SGMS1: variants seen among roughly 807,000 people sequenced by gnomAD.
The protein encoded by SGMS1 is sphingomyelin synthase 1, also known as phosphatidylcholine:ceramide cholinephosphotransferase 1.
SGMS1 carries 13 observed loss-of-function variants against 46.2 expected under a neutral mutation model. That is an observed-to-expected ratio of 0.28 (90% confidence interval 0.18 to 0.45). SGMS1 has a LOEUF of 0.45. Among genes scored for constraint, SGMS1 ranks in the 20% least tolerant of loss-of-function variants. SGMS1 has a pLI of 1.00. For synonymous variants in SGMS1, 203 were observed against 187.8 expected (o/e 1.08, Z -0.66); for missense variants, 324 against 519.9 (o/e 0.62, Z 3.66).
chr10:50,388,758 C>A (rs1848721911), intron 6 of SGMS1, among the ~76,000 whole-genome samples: 1 of 152,174 alleles, frequency 6.6e-6, no homozygotes, highest in Non-Finnish European at 1.5e-5. Flanking sequence ...ATGGCACATG[C>A]TGTTTTAAAT....
chr10:50,566,556 T>C (rs891410805), intron 2 of SGMS1, among the ~76,000 whole-genome samples: 2 of 152,274 alleles, frequency 1.3e-5, no homozygotes, highest in Non-Finnish European at 2.9e-5. Context: ...AGGACTACTT[T>C]ATGCAAACAC....
rs560668487 is a variant in SGMS1, at chr10:50,542,479, G to C, written c.-588-22558C>G. Among the ~76,000 whole-genome samples, 34 of 151,968 alleles carry C rather than the reference G, an allele frequency of 2.2e-4. 1 individual carries two copies. Among genetic ancestry groups the C allele is most frequent in the Middle Eastern group, 6.8e-3 (2 of 294 alleles). ...AATTTCTATGATGTCACCAACCTGG[G>C]CTTAGAGCAGAAAATATGTATATTT... On this transcript the variant is annotated intron_variant, in intron 2 of 10. Coordinates refer to ENST00000361781, the MANE Select transcript of SGMS1 (RefSeq NM_147156.4).
chr10:50,597,578 G>A (rs1320327149), intron 1 of SGMS1, among the ~76,000 whole-genome samples: 2 of 152,128 alleles, frequency 1.3e-5, no homozygotes, highest in Non-Finnish European at 2.9e-5. Flanking sequence ...TAAAGGCAGA[G>A]AACAGATCAG....
chr10:50,408,881 A>G (rs868044711), intron 6 of SGMS1, among the ~76,000 whole-genome samples: 11 of 152,082 alleles, frequency 7.2e-5, no homozygotes, highest in Non-Finnish European at 1.5e-4. Flanking sequence ...TCTCAAAACA[A>G]AACAAAACAA....
At chr10:50,486,686 T>C (rs1837523938) in intron 3 of SGMS1, among the ~76,000 whole-genome samples, 1 of 152,164 alleles carries the variant, frequency 6.6e-6, no homozygotes, top group African/African-American at 2.4e-5. Context: ...TACAGAGAGA[T>C]AGAAGTGCTT....
intron 2 of SGMS1, among the ~76,000 whole-genome samples, chr10:50,526,357 G>A (rs1366768807): frequency 6.6e-6 from 1 of 152,032 alleles, no homozygotes; most frequent in Admixed American, 6.6e-5. Context: ...ACAGCATGGG[G>A]GATATCTGCC....
intron 7 of SGMS1, among the ~76,000 whole-genome samples, chr10:50,334,109 CTT>C (rs1847673937): frequency 6.6e-6 from 1 of 152,082 alleles, no homozygotes; most frequent in Non-Finnish European, 1.5e-5. Context: ...TACTTCCTGA[CTT>C]ATATACAGGT....
At chr10:50,373,021 A>G (rs1369743224) in intron 6 of SGMS1, among the ~76,000 whole-genome samples, 1 of 152,204 alleles carries the variant, frequency 6.6e-6, no homozygotes, top group Non-Finnish European at 1.5e-5. Flanking sequence ...CAGATTGTAT[A>G]TATAGCCATC....
chr10:50,398,667 T>C (rs1848883883), intron 6 of SGMS1, among the ~76,000 whole-genome samples: 1 of 152,120 alleles, frequency 6.6e-6, no homozygotes, highest in Non-Finnish European at 1.5e-5. Flanking sequence ...AAGCCAAGAA[T>C]AACAATTACT....
chr10:50,512,580 T>A (rs979583976), intron 3 of SGMS1, among the ~76,000 whole-genome samples: 4 of 152,084 alleles, frequency 2.6e-5, no homozygotes, highest in African/African-American at 9.7e-5. Context: ...GAGGGCTGGG[T>A]CCTATCCTGC....
intron 6 of SGMS1, among the ~76,000 whole-genome samples, chr10:50,390,016 A>G (rs904499442): frequency 6.6e-6 from 1 of 152,188 alleles, no homozygotes; most frequent in African/African-American, 2.4e-5. Flanking sequence ...AATATTCCAT[A>G]ATACCCATTA....
intron 6 of SGMS1, among the ~76,000 whole-genome samples, chr10:50,399,347 T>C (rs528655768): frequency 8.5e-5 from 13 of 152,272 alleles, no homozygotes; most frequent in South Asian, 4.1e-4. Context: ...TATGCAACTA[T>C]TGAAAATAAT....
chr10:50,417,895 G>T (rs1849196715), intron 6 of SGMS1, among the ~76,000 whole-genome samples: 2 of 152,188 alleles, frequency 1.3e-5, no homozygotes, highest in Admixed American at 1.3e-4. Context: ...AACCTTCTCA[G>T]GTGTAAATAG....
At chr10:50,624,128 C>T (rs1054593401), upstream of SGMS1, 2 of 985,272 alleles carry the variant, frequency 2.0e-6, no homozygotes, top group South Asian at 4.7e-5. Flanking sequence ...GCAGTTTGGG[C>T]CCCTTGAATT....
In SGMS1 at chr10:50,344,241, T is replaced by A; in HGVS notation, c.-127A>T. On this transcript the variant is annotated 5_prime_UTR_variant, in exon 7 of 11. Coordinates refer to ENST00000361781, the MANE Select transcript of SGMS1 (RefSeq NM_147156.4). ...GTGGGGCCTCATGAGCAGAGACTTG[T>A]TTGGCAAGATGGTCAGGGCAGTTTT... 2 of 1,311,908 alleles carry A rather than the reference T, an allele frequency of 1.5e-6. No homozygotes were observed. Among genetic ancestry groups the A allele is most frequent in the East Asian group, 4.7e-5 (2 of 42,534 alleles). The allele number at this position is 1,311,908 out of a possible 1,614,324, so 81.3% of individuals were successfully genotyped here.
At chr10:50,318,604 CA>C (rs1235701957) in intron 8 of SGMS1, among the ~76,000 whole-genome samples, 19 of 152,074 alleles carry the variant, frequency 1.2e-4, no homozygotes, top group Non-Finnish European at 2.8e-4. Context: ...ATCTCTTGAT[CA>C]CTCAAGAGAC....
At position 50,614,925 on chromosome 10, in the gene SGMS1, G is replaced by A. The variant is rs532646431; in HGVS notation, c.-684+8782C>T. Among the ~76,000 whole-genome samples, 17 of 152,324 alleles carry A rather than the reference G, an allele frequency of 1.1e-4. No homozygotes were observed. The South Asian group carries it at 3.3e-3, about 30-fold the overall frequency. On this transcript the variant is annotated intron_variant, in intron 1 of 10. Coordinates refer to ENST00000361781, the MANE Select transcript of SGMS1 (RefSeq NM_147156.4). ...ATGATGACAATATCCATTTCATTGG[G>A]TCAAGGACTTAGAAAGTGGCTGGCA...
At chr10:50,494,428 G>A (rs1217649156) in intron 3 of SGMS1, among the ~76,000 whole-genome samples, 1 of 152,148 alleles carries the variant, frequency 6.6e-6, no homozygotes, top group Non-Finnish European at 1.5e-5. Flanking sequence ...TACATACAAC[G>A]TTGTATACTA....
At chr10:50,341,251 C>A (rs1175964217) in intron 7 of SGMS1, 1 of 444,790 alleles carries the variant, frequency 2.2e-6, no homozygotes, top group Non-Finnish European at 4.6e-6. Flanking sequence ...GTAGTTTATC[C>A]ATCTTCACTG....
Sources: allele counts gnomAD v4.1 joint callset (sites outside exome capture counted in the v4.1 genomes callset), GRCh38; gene constraint gnomAD v4.1.1; transcripts MANE v1.5; gene names NCBI Gene and HGNC (gene_info 2026-07-23, HGNC 2026-07-21).